Variants in WRN observed in about 807,000 individuals in gnomAD.
WRN encodes the protein bifunctional 3'-5' exonuclease/ATP-dependent helicase WRN.
WRN carries 149 observed loss-of-function variants against 180.7 expected under a neutral mutation model. The observed-to-expected ratio is 0.82, with a 90% CI of 0.72 to 0.94. WRN has a LOEUF of 0.94. WRN is among the 40% of genes least tolerant of loss of function. The probability of loss-of-function intolerance (pLI) is 0.00; values close to 1 mark genes in which losing one functional copy is unlikely to be tolerated. For missense variants in WRN, 1,661 were observed against 1,700.1 expected, an observed-to-expected ratio of 0.98 and a Z score of 0.40; for synonymous variants, 548 against 568.9, an observed-to-expected ratio of 0.96 and a Z score of 0.52.
intron 18 of WRN, among the ~76,000 whole-genome samples, chr8:31,108,016 A>G (rs1000258400): frequency 2.6e-5 from 4 of 152,238 alleles, no homozygotes; most frequent in Admixed American, 2.0e-4. Flanking sequence ...AGAATTAGCA[A>G]CATGACCTGA....
At chr8:31,040,092 C>T (rs1487138603) in intron 1 of WRN, among the ~76,000 whole-genome samples, 2 of 152,090 alleles carry the variant, frequency 1.3e-5, no homozygotes, top group Non-Finnish European at 2.9e-5. Context: ...TATTTGCTGA[C>T]AGATTAGATG....
intron 33 of WRN, 114 bp downstream of exon 33, chr8:31,157,644 A>G: frequency 2.2e-6 from 3 of 1,380,732 alleles, no homozygotes; most frequent in Non-Finnish European, 3.0e-6. Context: ...TGAAAACCTT[A>G]CTTTTGTGAT....
intron 34 of WRN, among the ~76,000 whole-genome samples, chr8:31,169,197 C>CTCTTTAAATTTTTT (rs1804011949): frequency 6.6e-6 from 1 of 151,458 alleles, no homozygotes; most frequent in African/African-American, 2.4e-5. Flanking sequence ...TTCTTCATTT[C>CTCTTTAAATTTTTT]TCTTTAAATT....
Position 31,092,459 on chromosome 8 carries a change from GTA to G in WRN, c.1898+565_1898+566del, listed in dbSNP as rs1250115288. On this transcript the variant is annotated intron_variant, in intron 16 of 34. Transcript: ENST00000298139. ...CCATTTTGTGTGTGTGTGTGTGTGT[GTA>G]TATGTACACACACACACAAACATAT... 4.7e-5 allele frequency among the ~76,000 whole-genome samples: 7 copies of G among 149,408 alleles called. No homozygotes were observed. The East Asian group carries it at 7.9e-4, about 17-fold the overall frequency.
chr8:31,093,113 A>C (rs939990030), intron 16 of WRN, among the ~76,000 whole-genome samples: 1 of 151,920 alleles, frequency 6.6e-6, no homozygotes, highest in Non-Finnish European at 1.5e-5. Context: ...TAATTATTAA[A>C]TTTTTTGTAG....
At chr8:31,156,733 T>G (rs925607080) in intron 32 of WRN, among the ~76,000 whole-genome samples, 17 of 152,220 alleles carry the variant, frequency 1.1e-4, no homozygotes, top group Non-Finnish European at 2.4e-4. Flanking sequence ...ATCTGAAATG[T>G]ATTTGGAGCC....
chr8:31,119,226 T>C (rs935773440), intron 20 of WRN, among the ~76,000 whole-genome samples: 28 of 151,984 alleles, frequency 1.8e-4, no homozygotes, highest in African/African-American at 6.5e-4. Flanking sequence ...TGGTCCATCT[T>C]AGCATGTAAT....
chr8:31,147,077 A>G lies in WRN; in HGVS notation c.3408A>G (p.Lys1136=). Reference sequence around the variant, plus strand: ...GTATCATGGTACAGTCACCAGAAAAAGCTTACAGTTCCTCACAGCCTGTTA... The same window carrying G: ...GTATCATGGTACAGTCACCAGAAAAGGCTTACAGTTCCTCACAGCCTGTTA... The part of the protein sequence containing the change: ...KKSIMVQSPE[K]AYSSSQPVIS... The change falls in exon 29 of 35, where the codon AAA becomes AAG. Residue 1136 remains lysine (K), a synonymous_variant. Transcript: ENST00000298139. 1 of 1,613,770 alleles carries G rather than the reference A, an allele frequency of 6.2e-7. No homozygotes were observed. The highest frequency in any genetic ancestry group is 8.5e-7 in the Non-Finnish European group (1 of 1,179,798).
chr8:31,163,017 A>G (rs561861477), intron 33 of WRN, among the ~76,000 whole-genome samples: 89 of 152,396 alleles, frequency 5.8e-4, no homozygotes, highest in African/African-American at 1.9e-3. Flanking sequence ...TAATAAGTAT[A>G]TAAGAAAGAA....
At chr8:31,099,278 C>T (rs1213783564) in intron 17 of WRN, among the ~76,000 whole-genome samples, 1 of 151,884 alleles carries the variant, frequency 6.6e-6, no homozygotes, top group Non-Finnish European at 1.5e-5. Context: ...GTGGTGGGTG[C>T]CTGTAGTCCC....
At chr8:31,123,400 T>G (rs1801801671) in intron 21 of WRN, among the ~76,000 whole-genome samples, 1 of 152,104 alleles carries the variant, frequency 6.6e-6, no homozygotes, top group South Asian at 2.1e-4. Context: ...CTGGACGTCT[T>G]GGAATGTATC....
intron 7 of WRN, among the ~76,000 whole-genome samples, chr8:31,070,441 C>T (rs1491003064): frequency 1.3e-5 from 1 of 79,386 alleles, no homozygotes; most frequent in Non-Finnish European, 3.0e-5. Flanking sequence ...AAGATGGTAG[C>T]TAAAAACACC....
At chr8:31,057,515 G>C (rs886929726) in intron 1 of WRN, among the ~76,000 whole-genome samples, 7 of 152,250 alleles carry the variant, frequency 4.6e-5, no homozygotes, top group African/African-American at 9.6e-5. Flanking sequence ...ATCTTGCAGA[G>C]AGCTGAGATC....
intron 19 of WRN, among the ~76,000 whole-genome samples, chr8:31,113,620 C>T (rs1443064168): frequency 6.6e-6 from 1 of 152,124 alleles, no homozygotes; most frequent in African/African-American, 2.4e-5. Context: ...CTTATAATAA[C>T]ACTCTCTATG....
Position 31,154,702 on chromosome 8 carries a change from T to C in WRN, c.3766T>C (p.Ser1256Pro). 6.2e-7 allele frequency: 1 copy of C among 1,613,650 alleles called. No homozygotes were observed. Among genetic ancestry groups the C allele is most frequent in the Non-Finnish European group, 8.5e-7 (1 of 1,179,746 alleles). ...AGCAAAAAATAAAATATGCACACTT[T>C]CACAGTCTATGGCCATCACATACTC... is the stretch of plus-strand genomic sequence containing the variant. Reference protein sequence around the residue: ...LVAKNKICTLSQSMAITYSLF... With the variant: ...LVAKNKICTLPQSMAITYSLF... Residue 1256 changes from serine to proline, a missense_variant, in exon 32 of 35, where the codon TCA becomes CCA. Ser to Pro is a moderately conservative substitution (Grantham distance 74). Transcript: ENST00000298139.
At chr8:31,099,087 A>G (rs1814106719) in intron 17 of WRN, among the ~76,000 whole-genome samples, 1 of 150,776 alleles carries the variant, frequency 6.6e-6, no homozygotes, top group African/African-American at 2.4e-5. Context: ...AGAGAGAGAG[A>G]GAAGGAAGGA....
At chr8:31,038,166 A>C (rs1811518042) in intron 1 of WRN, among the ~76,000 whole-genome samples, 1 of 152,120 alleles carries the variant, frequency 6.6e-6, no homozygotes. Context: ...TTTTTAAGGA[A>C]CTGCTAAAAC....
intron 30 of WRN, among the ~76,000 whole-genome samples, chr8:31,149,455 G>GTTTTTTTTT (rs71208105): frequency 2.3e-4 from 12 of 51,974 alleles, no homozygotes; most frequent in African/African-American, 8.5e-4. Flanking sequence ...TAATAGAGGT[G>GTTTTTTTTT]TTTTTTTTTT....
Position 31,175,383 on chromosome 8 carries a change from T to G in WRN, c.*2281T>G, listed in dbSNP as rs1804246774. Among the ~76,000 whole-genome samples the G allele has an allele frequency of 6.6e-6, 1 of 152,094 alleles. No homozygotes were observed. The highest frequency in any genetic ancestry group is 2.1e-4 in the South Asian group (1 of 4,824). The stretch of plus-strand genomic sequence containing the variant: ...TCAGGAGGCGGAGATTGCAGTGAGC[T>G]GAGACTGCGCCACTGCACCCCAGCC... On this transcript the variant is annotated 3_prime_UTR_variant, in exon 35 of 35. Transcript: ENST00000298139.
Sources: allele counts gnomAD v4.1 joint callset (sites outside exome capture counted in the v4.1 genomes callset), GRCh38; gene constraint gnomAD v4.1.1; transcripts MANE v1.5; gene names NCBI Gene and HGNC (gene_info 2026-07-23, HGNC 2026-07-21).